The following MBOAT2 variants were observed in gnomAD, a reference collection of about 807,000 sequenced individuals.
MBOAT2 encodes membrane-bound glycerophospholipid O-acyltransferase 2.
MBOAT2 carries 28 observed loss-of-function variants against 63.4 expected under a neutral mutation model. The observed-to-expected ratio is 0.44, with a 90% CI of 0.33 to 0.61. MBOAT2 has a LOEUF of 0.61. MBOAT2 is among the 20% of genes least tolerant of loss of function. MBOAT2 has a pLI of 0.03. For missense variants in MBOAT2, 470 were observed against 605.8 expected (o/e 0.78, Z 2.35); for synonymous variants, 211 against 215.6 (o/e 0.98, Z 0.19).
At chr2:8,944,986 GA>G (rs1186284602) in intron 2 of MBOAT2, among the ~76,000 whole-genome samples, 1 of 151,872 alleles carries the variant, frequency 6.6e-6, no homozygotes, top group African/African-American at 2.4e-5. Context: ...ACTCTTGGGG[GA>G]AAAAAGTGTT....
intron 1 of MBOAT2, among the ~76,000 whole-genome samples, chr2:8,974,081 G>C (rs1331755337): frequency 6.6e-6 from 1 of 152,114 alleles, no homozygotes; most frequent in Non-Finnish European, 1.5e-5. Flanking sequence ...GTACTAAGAT[G>C]AAATGATCTT....
chr2:8,980,860 C>A (rs553988258), intron 1 of MBOAT2, among the ~76,000 whole-genome samples: 4 of 151,950 alleles, frequency 2.6e-5, no homozygotes, highest in Admixed American at 1.3e-4. Flanking sequence ...GGTATATACA[C>A]AAGATAACTG....
In MBOAT2 at chr2:8,898,398, C is replaced by T. The variant is rs184298062; in HGVS notation, c.395+10223G>A. On this transcript the variant is annotated intron_variant, in intron 4 of 12. Transcript: ENST00000305997. ...GCAACTGTTTTAATGTCTTAGGGCA[C>T]GGATAAGCCAGTACAGCCTGTATTC... Among the ~76,000 whole-genome samples the T allele has an allele frequency of 1.8e-4, 28 of 152,296 alleles. 1 individual carries two copies. In the South Asian group the frequency reaches 3.7e-3, roughly 20 times the overall value.
At chr2:8,995,028 G>C (rs886464453) in intron 1 of MBOAT2, among the ~76,000 whole-genome samples, 2 of 152,220 alleles carry the variant, frequency 1.3e-5, no homozygotes, top group African/African-American at 2.4e-5. Flanking sequence ...TGTGGAAAGA[G>C]TGTGAGAGTT....
intron 4 of MBOAT2, among the ~76,000 whole-genome samples, chr2:8,889,906 A>G (rs1663862065): frequency 6.6e-6 from 1 of 152,200 alleles, no homozygotes; most frequent in Non-Finnish European, 1.5e-5. Context: ...CATCAGGTGC[A>G]AAGGACACAG....
chr2:8,860,001 T>C (rs904189365), intron 12 of MBOAT2, among the ~76,000 whole-genome samples: 2 of 151,756 alleles, frequency 1.3e-5, no homozygotes, highest in Non-Finnish European at 2.9e-5. Context: ...CTGGCCAAGA[T>C]GGTGAAACCC....
chr2:8,987,063 G>A (rs567215056), intron 1 of MBOAT2, among the ~76,000 whole-genome samples: 2 of 152,278 alleles, frequency 1.3e-5, no homozygotes, highest in African/African-American at 2.4e-5. Flanking sequence ...AAAGTATAGA[G>A]TTTAGTCAAT....
At position 8,858,682 on chromosome 2, in the gene MBOAT2, C is replaced by G. The variant is rs201166810; in HGVS notation, c.1560G>C (p.Gln520His). 5 of 1,608,826 alleles carry G rather than the reference C, an allele frequency of 3.1e-6. No homozygotes were observed. The South Asian group carries it at 4.4e-5, about 14-fold the overall frequency. Residue 520 changes from glutamine to histidine, a missense_variant, in exon 13 of 13, where the codon CAG (glutamine) becomes CAC (histidine). Gln to His is a conservative substitution (Grantham distance 24). Transcript: ENST00000305997. ...ACAGCCCTCAGAGCCTTCCCGATCACTGCTTTAGTGATGAATGTCTCGAGG... is the reference window on the plus strand; with the variant it reads ...ACAGCCCTCAGAGCCTTCCCGATCAGTGCTTTAGTGATGAATGTCTCGAGG... ...EIASRHSSLK[Q>H] is the part of the protein sequence containing the mutation.
chr2:8,924,317 C>A (rs1176570664), intron 3 of MBOAT2, among the ~76,000 whole-genome samples: 3 of 152,086 alleles, frequency 2.0e-5, no homozygotes, highest in South Asian at 2.1e-4. Flanking sequence ...TACAGAGACA[C>A]CAGATTCTGG....
chr2:8,920,248 A>G (rs1284976277), intron 3 of MBOAT2, among the ~76,000 whole-genome samples: 1 of 152,192 alleles, frequency 6.6e-6, no homozygotes, highest in Non-Finnish European at 1.5e-5. Flanking sequence ...GGTCAGGTTC[A>G]TTTCTGTGCA....
intron 3 of MBOAT2, among the ~76,000 whole-genome samples, chr2:8,914,528 A>G (rs748585796): frequency 6.6e-6 from 1 of 152,120 alleles, no homozygotes; most frequent in Non-Finnish European, 1.5e-5. Flanking sequence ...GTGAGAATCA[A>G]CGAGCTATAC....
At chr2:8,885,325 A>C (rs1454318109) in intron 5 of MBOAT2, among the ~76,000 whole-genome samples, 1 of 152,230 alleles carries the variant, frequency 6.6e-6, no homozygotes, top group East Asian at 1.9e-4. Flanking sequence ...AAAATTATTA[A>C]AAATAATGTA....
intron 2 of MBOAT2, among the ~76,000 whole-genome samples, chr2:8,945,126 G>A (rs761151891): frequency 3.9e-5 from 6 of 152,018 alleles, no homozygotes; most frequent in African/African-American, 1.2e-4. Context: ...TCCTGACATC[G>A]CCATTCAGGT....
At chr2:8,874,791 C>T (rs945496693) in intron 7 of MBOAT2, among the ~76,000 whole-genome samples, 9 of 152,276 alleles carry the variant, frequency 5.9e-5, no homozygotes, top group African/African-American at 9.6e-5. Flanking sequence ...CCTTCCTGCA[C>T]AGAAAAGGAA....
In MBOAT2 at chr2:8,862,609, A is replaced by G. The variant is rs1264934923; in HGVS notation, c.1166T>C (p.Met389Thr). Reference protein sequence around the residue: ...YYLTFLTGVLMTLAARAMRNN... With the variant: ...YYLTFLTGVLTTLAARAMRNN... ...ACTTACAGCTCTTGCTGCTAATGTC[A>G]TTAACACCCCTGTTAGAAACGTTAG... is the stretch of plus-strand genomic sequence containing the variant. The change falls in exon 11 of 13, where the codon ATG becomes ACG. Residue 389 changes from methionine to threonine, a missense_variant. Physicochemically the swap from Met to Thr is moderately conservative, Grantham distance 81 (BLOSUM62 -1). This residue lies in a region of MBOAT2 where 376 missense variants were observed against 503.8 expected (regional missense o/e 0.75). Transcript: ENST00000305997. The surrounding 1 kb of genome is among the most constrained non-coding windows in gnomAD (Gnocchi z 4.3). The G allele has an allele frequency of 6.2e-7, 1 of 1,610,596 alleles. No homozygotes were observed. The highest frequency in any genetic ancestry group is 8.5e-7 in the Non-Finnish European group (1 of 1,179,142).
rs990288575 is a variant in MBOAT2, at chr2:8,862,984, A to C, written c.1053-262T>G. 1.3e-5 allele frequency among the ~76,000 whole-genome samples: 2 copies of C among 152,166 alleles called. No individual in the cohort carries two copies. The highest frequency in any genetic ancestry group is 1.5e-5 in the Non-Finnish European group (1 of 68,034). ...GGTATATATAGTAACTTAAATGATC[A>C]TTTCTAGTATTTGGGAGTCTATACA... On this transcript the variant is annotated intron_variant, in intron 10 of 12. Coordinates refer to ENST00000305997, the MANE Select transcript of MBOAT2 (RefSeq NM_138799.4). This position sits in a 1 kb window ranked among gnomAD's most constrained non-coding sequence, Gnocchi z 4.3.
intron 1 of MBOAT2, among the ~76,000 whole-genome samples, chr2:8,961,894 G>T (rs1176527082): frequency 3.3e-5 from 5 of 151,890 alleles, no homozygotes; most frequent in Admixed American, 1.3e-4. Flanking sequence ...CCACAGCCAG[G>T]CTCCCTGCCC....
At chr2:8,956,514 A>T (rs554824610) in intron 2 of MBOAT2, among the ~76,000 whole-genome samples, 1 of 152,156 alleles carries the variant, frequency 6.6e-6, no homozygotes, top group Non-Finnish European at 1.5e-5. Context: ...CAGTTTGGAC[A>T]ACATAGCAAA....
In MBOAT2 at chr2:8,864,245, A is replaced by C; in HGVS notation, c.988-11T>G. The C allele has an allele frequency of 1.3e-6, 2 of 1,536,738 alleles. No homozygotes were observed. Among genetic ancestry groups the C allele is most frequent in the Non-Finnish European group, 1.8e-6 (2 of 1,141,302 alleles). On this transcript the variant is annotated splice_polypyrimidine_tract_variant and intron_variant, in intron 9 of 12. Transcript: ENST00000305997. ...GAAACTTGTTGACATCTGAAAAAAA[A>C]GGAAACTTTTTTCTTTGTGTCACAA...
Sources: gnomAD v4.1 joint callset for allele counts (sites outside exome capture counted in the v4.1 genomes callset) on GRCh38, gnomAD v4.1.1 for gene constraint, gnomAD v4.1.1 regional missense constraint, Gnocchi (gnomAD v3.1) non-coding constraint, MANE v1.5 for transcripts, NCBI Gene and HGNC (gene_info 2026-07-23, HGNC 2026-07-21) for gene names.